Variants in PGLYRP2 observed in about 807,000 individuals in gnomAD.
The protein encoded by PGLYRP2 is peptidoglycan recognition protein 2, also known as N-acetylmuramoyl-L-alanine amidase.
A neutral mutation model predicts 46.2 loss-of-function variants in PGLYRP2; 38 were observed. The ratio of observed to expected loss-of-function variants is 0.82; its 90% confidence interval spans 0.64 to 1.08. PGLYRP2 has a LOEUF of 1.08. Among genes scored for constraint, PGLYRP2 ranks in the 50% least tolerant of loss-of-function variants. The pLI, the probability that PGLYRP2 is intolerant of heterozygous loss-of-function variation, is 0.00. For missense variants in PGLYRP2, 713 were observed against 755.9 expected (o/e 0.94, Z 0.67); for synonymous variants, 289 against 329.4 (o/e 0.88, Z 1.33).
intron 1 of PGLYRP2, among the ~76,000 whole-genome samples, chr19:15,477,726 T>TTAAAA (rs55707700): frequency 0.061 from 8,774 of 144,320 alleles, 535 homozygotes; most frequent in African/African-American, 0.15. Context: ...TAAAATTAAA[T>TTAAAA]TAAAATAAAA....
intron 2 of PGLYRP2, 60 bp downstream of exon 2, chr19:15,475,478 G>C: frequency 1.4e-6 from 2 of 1,461,596 alleles, no homozygotes; most frequent in Non-Finnish European, 1.9e-6. Context: ...CTGAATATAC[G>C]GGGTGGGGGC....
Position 15,476,296 on chromosome 19 carries a change from A to T in PGLYRP2, c.374T>A (p.Leu125Gln). 2.5e-6 allele frequency: 4 copies of T among 1,614,070 alleles called. No homozygotes were observed. Among genetic ancestry groups the T allele is most frequent in the Non-Finnish European group, 3.4e-6 (4 of 1,180,006 alleles). ...TTGCAGCCCTGCCTCCAGCCCCGCC[A>T]GCAGAGGCTCCACAGCCACGGTCGA... ...DGSTVAVEPL[L>Q]AGLEAGLQGR... The change falls in exon 2 of 5, where the codon CTG becomes CAG. Residue 125 changes from leucine to glutamine, a missense_variant. Transcript: ENST00000340880.
At chr19:15,472,596 CA>C (rs936827593) in intron 2 of PGLYRP2, among the ~76,000 whole-genome samples, 16 of 145,832 alleles carry the variant, frequency 1.1e-4, no homozygotes, top group African/African-American at 1.5e-4. Context: ...CTGTCCCCCC[CA>C]AAAAAAAATT....
In PGLYRP2 at chr19:15,468,784, G is replaced by C. The variant is rs749897234; in HGVS notation, c.1642-32C>G. On this transcript the variant is annotated intron_variant, in intron 4 of 4. Transcript: ENST00000340880. ...AAAGACAAGGGAGTGTGAGGCTTGGGGGTGGTTGTGGTATGTGGCTGGGTC... is the reference window on the plus strand; with the variant it reads ...AAAGACAAGGGAGTGTGAGGCTTGGCGGTGGTTGTGGTATGTGGCTGGGTC... 5.7e-5 allele frequency: 89 copies of C among 1,567,766 alleles called. 1 individual carries two copies. The highest frequency in any genetic ancestry group is 7.0e-6 in the Non-Finnish European group (8 of 1,147,776).
intron 1 of PGLYRP2, among the ~76,000 whole-genome samples, chr19:15,478,398 G>C (rs2144455125): frequency 6.6e-6 from 1 of 152,274 alleles, no homozygotes; most frequent in South Asian, 2.1e-4. Context: ...TAGAGGCTGG[G>C]AAGTCCAAGA....
Position 15,469,557 on chromosome 19 carries a change from AG to A in PGLYRP2, c.1641+74del, listed in dbSNP as rs1970723317. ...CTGTGCGGGCACAGCTGTTACAGGC[AG>A]GGGGCAGGGGCCTCGTGGAGCTTGT... On this transcript the variant is annotated intron_variant, in intron 4 of 4. Coordinates refer to ENST00000340880, the MANE Select transcript of PGLYRP2 (RefSeq NM_052890.4). This position sits in a 1 kb window ranked among gnomAD's most constrained non-coding sequence, Gnocchi z 4.9. The A allele has an allele frequency of 6.5e-7, 1 of 1,529,716 alleles. No homozygotes were observed. The allele number at this position is 1,529,716 out of a possible 1,614,324, so 94.8% of individuals were successfully genotyped here.
Position 15,469,712 on chromosome 19 carries a change from C to T in PGLYRP2, c.1561G>A (p.Gly521Ser). 1.3e-6 allele frequency: 2 copies of T among 1,507,106 alleles called. No individual in the cohort carries two copies. The highest frequency in any genetic ancestry group is 1.8e-6 in the Non-Finnish European group (2 of 1,133,600). The allele number at this position is 1,507,106 out of a possible 1,614,324, so 93.4% of individuals were successfully genotyped here. ...TCGGTGCGCACCAGCTGGCGGTGGC[C>T]CAGCAGCGCGTAGTCTGGCCGCAGG... is the stretch of plus-strand genomic sequence containing the variant. ...GLLRPDYALL[G>S]HRQLVRTDCP... The change falls in exon 4 of 5, where the codon GGC becomes AGC. Residue 521 changes from glycine to serine, a missense_variant. Gly to Ser is a moderately conservative substitution (Grantham distance 56). Coordinates refer to ENST00000340880, the MANE Select transcript of PGLYRP2 (RefSeq NM_052890.4). This position sits in a 1 kb window ranked among gnomAD's most constrained non-coding sequence, Gnocchi z 4.9.
intron 3 of PGLYRP2, among the ~76,000 whole-genome samples, 192 bp downstream of exon 3, chr19:15,471,698 C>G (rs1259650262): frequency 6.6e-6 from 1 of 152,176 alleles, no homozygotes; most frequent in Non-Finnish European, 1.5e-5. Flanking sequence ...TAGCTATTCC[C>G]GGTCCCTATT....
intron 3 of PGLYRP2, 67 bp downstream of exon 3, chr19:15,471,823 G>A: frequency 2.6e-6 from 4 of 1,531,830 alleles, no homozygotes; most frequent in Non-Finnish European, 2.7e-6. Context: ...CCTGCATCAG[G>A]CTCCGCCCAC....
chr19:15,469,521 C>T lies in PGLYRP2; in HGVS notation c.1641+111G>A, dbSNP rs1158836839. ...AGACGTGCCGCCGGGAAGTTGGGGGCCTGGCTGAGGCTGTGCGGGCACAGC... is the reference window on the plus strand; with the variant it reads ...AGACGTGCCGCCGGGAAGTTGGGGGTCTGGCTGAGGCTGTGCGGGCACAGC... On this transcript the variant is annotated intron_variant, in intron 4 of 4. Transcript: ENST00000340880. This position sits in a 1 kb window ranked among gnomAD's most constrained non-coding sequence, Gnocchi z 4.9. The T allele has an allele frequency of 1.4e-6, 2 of 1,439,612 alleles. No homozygotes were observed. The highest frequency in any genetic ancestry group is 2.0e-5 in the Admixed American group (1 of 50,878). The allele number at this position is 1,439,612 out of a possible 1,614,324, so 89.2% of individuals were successfully genotyped here.
At chr19:15,472,893 C>T (rs1016113689) in intron 2 of PGLYRP2, among the ~76,000 whole-genome samples, 2 of 152,006 alleles carry the variant, frequency 1.3e-5, no homozygotes, top group South Asian at 4.1e-4. Flanking sequence ...CTAAGCAAAA[C>T]GAGCCTGGTA....
rs1970755975 is a variant in PGLYRP2, at chr19:15,472,098, A to G, written c.1135T>C (p.Cys379Arg). 2 of 1,600,076 alleles carry G rather than the reference A, an allele frequency of 1.2e-6. No homozygotes were observed. Among genetic ancestry groups the G allele is most frequent in the Non-Finnish European group, 1.7e-6 (2 of 1,179,344 alleles). ...CGGCAGCGGGGGTGGATGGCCGGGC[A>G]TCCTACAGGCAAGGGGGTTGAAGGC... Reference protein sequence around the residue: ...TKEFTEAFLGCPAIHPRCRWG... With the variant: ...TKEFTEAFLGRPAIHPRCRWG... Residue 379 changes from cysteine (C) to arginine (R), a missense_variant and splice_region_variant, in exon 3 of 5, where the codon TGC becomes CGC. By Grantham distance (180) the Cys-to-Arg change is radical. Coordinates refer to ENST00000340880, the MANE Select transcript of PGLYRP2 (RefSeq NM_052890.4).
At position 15,469,779 on chromosome 19, in the gene PGLYRP2, C is replaced by G; in HGVS notation, c.1494G>C (p.Thr498=). ...CACAACTCGGGAGCGTGTCGCGCAC[C>G]GTGCGCAGAGCGGCCTCGGTGGGCA... is the stretch of plus-strand genomic sequence containing the variant. ...AALPTEAALR[T]VRDTLPSCAV... The change falls in exon 4 of 5, where the codon ACG becomes ACC. Residue 498 remains threonine, a synonymous_variant. Coordinates refer to ENST00000340880, the MANE Select transcript of PGLYRP2 (RefSeq NM_052890.4). This position sits in a 1 kb window ranked among gnomAD's most constrained non-coding sequence, Gnocchi z 4.9. 6.6e-7 allele frequency: 1 copy of G among 1,510,526 alleles called. No homozygotes were observed. The highest frequency in any genetic ancestry group is 2.1e-4 in the Middle Eastern group (1 of 4,848). The allele number at this position is 1,510,526 out of a possible 1,614,324, so 93.6% of individuals were successfully genotyped here.
chr19:15,471,481 G>C (rs915841943), intron 3 of PGLYRP2, among the ~76,000 whole-genome samples: 20 of 146,884 alleles, frequency 1.4e-4, no homozygotes, highest in African/African-American at 5.0e-4. Context: ...TGCTCAGGCT[G>C]GTCTCGAACT....
At position 15,475,462 on chromosome 19, in the gene PGLYRP2, A is replaced by G. The variant is rs1040426122; in HGVS notation, c.1132+76T>C. The G allele has an allele frequency of 1.1e-5, 15 of 1,418,334 alleles. No homozygotes were observed. The South Asian group carries it at 1.6e-4, about 15-fold the overall frequency. The allele number at this position is 1,418,334 out of a possible 1,614,324, so 87.9% of individuals were successfully genotyped here. A position where few individuals can be genotyped will look rare whatever the true frequency, so the allele number is the denominator to read the frequency against. ...CCCCTCTGGACTCTCCTAGTCCTCA[A>G]CTTCCCTGAATATACGGGGTGGGGG... On this transcript the variant is annotated intron_variant, in intron 2 of 4. Transcript: ENST00000340880.
chr19:15,469,775 G>A lies in PGLYRP2; in HGVS notation c.1498C>T (p.Arg500Cys). The change falls in exon 4 of 5, where the codon CGC becomes TGC. Residue 500 changes from arginine (R) to cysteine (C), a missense_variant. Coordinates refer to ENST00000340880, the MANE Select transcript of PGLYRP2 (RefSeq NM_052890.4). The surrounding 1 kb of genome is among the most constrained non-coding windows in gnomAD (Gnocchi z 4.9). ...LPTEAALRTVRDTLPSCAVRA... is the reference protein window; with the variant it reads ...LPTEAALRTVCDTLPSCAVRA... The stretch of plus-strand genomic sequence containing the variant: ...ACCGCACAACTCGGGAGCGTGTCGC[G>A]CACCGTGCGCAGAGCGGCCTCGGTG... 3.3e-6 allele frequency: 5 copies of A among 1,505,970 alleles called. No homozygotes were observed. The highest frequency in any genetic ancestry group is 2.2e-5 in the Admixed American group (1 of 46,008). 93.3% of individuals were successfully genotyped at this position (1,505,970 alleles called of 1,614,324 possible). A position where few individuals can be genotyped will look rare whatever the true frequency, so the allele number is the denominator to read the frequency against.
At position 15,476,116 on chromosome 19, in the gene PGLYRP2, A is replaced by G. The variant is rs1970793281; in HGVS notation, c.554T>C (p.Ile185Thr). ...DGSPDVTTADIGANTPDATKG... is the reference protein window; with the variant it reads ...DGSPDVTTADTGANTPDATKG... ...TGTAGCATCTGGAGTGTTGGCTCCAATATCTGCAGTGGTGACATCTGGAGA... is the reference window on the plus strand; with the variant it reads ...TGTAGCATCTGGAGTGTTGGCTCCAGTATCTGCAGTGGTGACATCTGGAGA... Residue 185 changes from isoleucine (I) to threonine (T), a missense_variant, in exon 2 of 5, where the codon ATT (isoleucine) becomes ACT (threonine). Coordinates refer to ENST00000340880, the MANE Select transcript of PGLYRP2 (RefSeq NM_052890.4). The G allele has an allele frequency of 2.5e-6, 4 of 1,614,160 alleles. No individual in the cohort carries two copies. Among genetic ancestry groups the G allele is most frequent in the African/African-American group, 1.3e-5 (1 of 75,042 alleles).
chr19:15,476,362 C>T lies in PGLYRP2; in HGVS notation c.308G>A (p.Arg103Gln), dbSNP rs936520943. 3.7e-5 allele frequency: 59 copies of T among 1,614,028 alleles called. No individual in the cohort carries two copies. The highest frequency in any genetic ancestry group is 1.3e-4 in the East Asian group (6 of 44,878). The change falls in exon 2 of 5, where the codon CGA becomes CAA. Residue 103 changes from arginine (R) to glutamine (Q), a missense_variant. By Grantham distance (43) the Arg-to-Gln change is conservative. Transcript: ENST00000340880. ...LTKEVARHDVREGKEYGVVLA... is the reference protein window; with the variant it reads ...LTKEVARHDVQEGKEYGVVLA... ...CACCACCCCATATTCCTTCCCTTCTCGTACGTCATGTCGGGCCACCTCCTT... is the reference window on the plus strand; with the variant it reads ...CACCACCCCATATTCCTTCCCTTCTTGTACGTCATGTCGGGCCACCTCCTT...
In PGLYRP2 at chr19:15,475,486, G is replaced by T. The variant is rs540713784; in HGVS notation, c.1132+52C>A. 14 of 1,489,114 alleles carry T rather than the reference G, an allele frequency of 9.4e-6. No homozygotes were observed. In the Admixed American group the frequency reaches 2.4e-4, roughly 26 times the overall value. 92.2% of individuals were successfully genotyped at this position (1,489,114 alleles called of 1,614,324 possible). On this transcript the variant is annotated intron_variant, in intron 2 of 4. Transcript: ENST00000340880. ...AACTTCCCTGAATATACGGGGTGGG[G>T]GCGTCTGTGTCTGTAATGGGAAGGA...
Sources: gnomAD v4.1 joint callset for allele counts (sites outside exome capture counted in the v4.1 genomes callset) on GRCh38, gnomAD v4.1.1 for gene constraint, Gnocchi (gnomAD v3.1) non-coding constraint, MANE v1.5 for transcripts, NCBI Gene and HGNC (gene_info 2026-07-23, HGNC 2026-07-21) for gene names.